LRRFIP1: variants seen among roughly 807,000 people sequenced by gnomAD.
The protein encoded by LRRFIP1 is leucine-rich repeat flightless-interacting protein 1.
LRRFIP1 carries 62 observed loss-of-function variants against 104.4 expected under a neutral mutation model. The ratio of observed to expected loss-of-function variants is 0.59; its 90% CI spans 0.48 to 0.73. LRRFIP1 has a LOEUF of 0.73. LRRFIP1 is among the 30% of genes least tolerant of loss of function. The pLI is 0.00. For synonymous variants in LRRFIP1, 300 were observed against 299.0 expected, an observed-to-expected ratio of 1.00 and a Z score of -0.03; for missense variants, 796 against 824.5, an observed-to-expected ratio of 0.97 and a Z score of 0.42.
At chr2:237,769,866 C>A in intron 19 of LRRFIP1, 77 bp from the exon 20 acceptor site, 2 of 1,036,090 alleles carry the variant, frequency 1.9e-6, no homozygotes, top group South Asian at 2.7e-5. Context: ...CCTGAACGAT[C>A]ATTCTTCAGT....
chr2:237,766,942 G>T lies in LRRFIP1; in HGVS notation c.1460-3001G>T, dbSNP rs1353161728. Among the ~76,000 whole-genome samples the T allele has an allele frequency of 6.6e-6, 1 of 152,214 alleles. No individual in the cohort carries two copies. The highest frequency in any genetic ancestry group is 2.4e-5 in the African/African-American group (1 of 41,456). ...TCCCAGCACGTGGGAGGCCGAGGCAGGCAGATCACTTAAGCCCAGGAGTTC... is the reference window on the plus strand; with the variant it reads ...TCCCAGCACGTGGGAGGCCGAGGCATGCAGATCACTTAAGCCCAGGAGTTC... On this transcript the variant is annotated intron_variant, in intron 19 of 23. Coordinates refer to ENST00000308482, the MANE Select transcript of LRRFIP1 (RefSeq NM_001137550.2). This position sits in a 1 kb window ranked among gnomAD's most constrained non-coding sequence, Gnocchi z 4.8.
chr2:237,678,680 A>AT (rs928430589), intron 1 of LRRFIP1, among the ~76,000 whole-genome samples: 22 of 151,254 alleles, frequency 1.5e-4, no homozygotes, highest in African/African-American at 4.6e-4. Context: ...TAATTTTTGG[A>AT]TTTTTTTAGT....
Position 237,717,474 on chromosome 2 carries a change from C to G in LRRFIP1, c.202-288C>G, listed in dbSNP as rs55840528. ...GCTGGGCCGGCTTTACTGTCCTGCT[C>G]TCCCCCGAGGCCCTTCACCTGGGGA... On this transcript the variant is annotated intron_variant, in intron 3 of 23. Transcript: ENST00000308482. This position sits in a 1 kb window ranked among gnomAD's most constrained non-coding sequence, Gnocchi z 4.2. 9.0e-3 allele frequency among the ~76,000 whole-genome samples: 1,366 copies of G among 152,352 alleles called. 13 individuals are homozygous for G. Among genetic ancestry groups the G allele is most frequent in the Non-Finnish European group, 0.014 (955 of 68,030 alleles).
chr2:237,720,696 C>T, intron 5 of LRRFIP1, 76 bp from the exon 6 acceptor site: 1 of 1,348,974 alleles, frequency 7.4e-7, no homozygotes, highest in Non-Finnish European at 1.1e-6. Context: ...CCAGCATCCC[C>T]CTGAAACTTG....
At position 237,735,468 on chromosome 2, in the gene LRRFIP1, C is replaced by T. The variant is rs1218243419; in HGVS notation, c.555+135C>T. On this transcript the variant is annotated intron_variant, in intron 10 of 23. Coordinates refer to ENST00000308482, the MANE Select transcript of LRRFIP1 (RefSeq NM_001137550.2). This position sits in a 1 kb window ranked among gnomAD's most constrained non-coding sequence, Gnocchi z 4.6. ...AGCGCCGAGTCACCGGGCTAACCGC[C>T]ACCTTCCATTGTAATGAAGGTCACA... is the stretch of plus-strand genomic sequence containing the variant. The T allele has an allele frequency of 2.8e-6, 2 of 720,086 alleles. No individual in the cohort carries two copies. The highest frequency in any genetic ancestry group is 2.8e-5 in the East Asian group (1 of 35,772). The allele number at this position is 720,086 out of a possible 1,614,324, so 44.6% of individuals were successfully genotyped here.
intron 10 of LRRFIP1, 22 bp from the exon 11 acceptor site, chr2:237,739,210 C>A: frequency 6.4e-7 from 1 of 1,551,626 alleles, no homozygotes; most frequent in South Asian, 1.2e-5. Context: ...GCTGCGTGTC[C>A]TGGCGGTGGC....
At chr2:237,679,782 A>G (rs931573341) in intron 1 of LRRFIP1, among the ~76,000 whole-genome samples, 11 of 152,128 alleles carry the variant, frequency 7.2e-5, no homozygotes, top group Admixed American at 3.9e-4. Context: ...CTAATTTTGT[A>G]TTTTTAGTAG....
chr2:237,709,297 C>A (rs2093962162), intron 2 of LRRFIP1, among the ~76,000 whole-genome samples: 1 of 152,190 alleles, frequency 6.6e-6, no homozygotes, highest in Admixed American at 6.5e-5. Flanking sequence ...TTTTCTGTGA[C>A]CTCAGAGACA....
At chr2:237,645,330 G>T (rs2084702010) in intron 1 of LRRFIP1, among the ~76,000 whole-genome samples, 1 of 152,206 alleles carries the variant, frequency 6.6e-6, no homozygotes, top group East Asian at 1.9e-4. Context: ...AGTTGTCGTG[G>T]CTCAGCCCCG....
Position 237,728,422 on chromosome 2 carries a change from C to A in LRRFIP1, c.444+487C>A, listed in dbSNP as rs10172163. On this transcript the variant is annotated intron_variant, in intron 8 of 23. Transcript: ENST00000308482. ...TAAAACAATGCAGATGCTTGGAAGG[C>A]TCCCAGTTAAGGGGTGGGAGGCAGG... is the stretch of plus-strand genomic sequence containing the variant. Among the ~76,000 whole-genome samples, 918 of 152,052 alleles carry A rather than the reference C, an allele frequency of 6.0e-3. 16 individuals carry two copies. Among genetic ancestry groups the A allele is most frequent in the African/African-American group, 0.021 (867 of 41,426 alleles).
chr2:237,633,811 A>C (rs1166233347), intron 1 of LRRFIP1, among the ~76,000 whole-genome samples: 1 of 151,984 alleles, frequency 6.6e-6, no homozygotes, highest in African/African-American at 2.4e-5. Flanking sequence ...TGCTTCCTGG[A>C]TCAGCCCCTC....
At chr2:237,722,236 AG>A (rs1258236329) in intron 6 of LRRFIP1, 1 of 152,154 alleles carries the variant, frequency 6.6e-6, no homozygotes, top group Non-Finnish European at 1.5e-5. Context: ...AGAGAATAGG[AG>A]GAGAGAGGCA....
At chr2:237,776,360 T>C (rs2061097519) in intron 23 of LRRFIP1, among the ~76,000 whole-genome samples, 1 of 152,252 alleles carries the variant, frequency 6.6e-6, no homozygotes, top group African/African-American at 2.4e-5. Context: ...GCCTGATACA[T>C]GATTCACTTT....
chr2:237,668,043 C>T (rs1434344699), intron 1 of LRRFIP1, among the ~76,000 whole-genome samples: 2 of 152,080 alleles, frequency 1.3e-5, no homozygotes, highest in African/African-American at 4.8e-5. Context: ...ACTTGACACC[C>T]CCCTTTCCCC....
intron 6 of LRRFIP1, chr2:237,721,096 G>T (rs1559669005): frequency 5.1e-6 from 2 of 389,022 alleles, no homozygotes; most frequent in East Asian, 8.9e-5. Context: ...AAGCTCCCAA[G>T]CCTTGATTAG....
chr2:237,729,293 G>A (rs2094902063), intron 8 of LRRFIP1, among the ~76,000 whole-genome samples: 2 of 152,114 alleles, frequency 1.3e-5, no homozygotes, highest in Non-Finnish European at 2.9e-5. Flanking sequence ...TTTGCACTCT[G>A]TGGATAAGGG....
chr2:237,777,152 T>C (rs1347847052), intron 23 of LRRFIP1, among the ~76,000 whole-genome samples: 1 of 152,240 alleles, frequency 6.6e-6, no homozygotes, highest in African/African-American at 2.4e-5. Flanking sequence ...CATATGTGTA[T>C]ATGTGTATAT....
In LRRFIP1 at chr2:237,691,130, AGGGAATT is replaced by A. The variant is rs1404611445; in HGVS notation, c.97-17404_97-17398del. On this transcript the variant is annotated intron_variant, in intron 1 of 23. Coordinates refer to ENST00000308482, the MANE Select transcript of LRRFIP1 (RefSeq NM_001137550.2). The surrounding 1 kb of genome is among the most constrained non-coding windows in gnomAD (Gnocchi z 5.4). ...CAAGTTGGGTCAGCGTGCAGAGAAA[AGGGAATT>A]GGGAATTGGAGGGCTGTAAAATGTA... Among the ~76,000 whole-genome samples the A allele has an allele frequency of 3.3e-5, 5 of 151,892 alleles. No individual in the cohort carries two copies. The highest frequency in any genetic ancestry group is 7.4e-5 in the Non-Finnish European group (5 of 68,024).
At chr2:237,683,053 C>T (rs546942082) in intron 1 of LRRFIP1, among the ~76,000 whole-genome samples, 55 of 152,342 alleles carry the variant, frequency 3.6e-4, no homozygotes, top group Admixed American at 1.0e-3. Context: ...GCCAGGAACG[C>T]GGCTAGCCAT....
Sources: allele counts gnomAD v4.1 joint callset (sites outside exome capture counted in the v4.1 genomes callset), GRCh38; gene constraint gnomAD v4.1.1; non-coding constraint Gnocchi (gnomAD v3.1); transcripts MANE v1.5; gene names NCBI Gene and HGNC (gene_info 2026-07-23, HGNC 2026-07-21).